Variants in DDX60L observed in about 807,000 individuals in gnomAD.
DDX60L encodes probable ATP-dependent RNA helicase DDX60-like.
DDX60L carries 191 observed loss-of-function variants against 211.6 expected under a neutral mutation model. The ratio of observed to expected loss-of-function variants is 0.90; its 90% CI spans 0.80 to 1.02. DDX60L has a LOEUF of 1.02. Among genes scored for constraint, DDX60L ranks in the 50% least tolerant of loss-of-function variants. The pLI, the probability that DDX60L is intolerant of heterozygous loss-of-function variation, is 0.00. For missense variants in DDX60L, 2,007 were observed against 1,984.1 expected (o/e 1.01, Z -0.22); for synonymous variants, 706 against 694.1 (o/e 1.02, Z -0.27).
At chr4:168,383,728 C>T (rs531312923) in intron 30 of DDX60L, among the ~76,000 whole-genome samples, 3 of 152,292 alleles carry the variant, frequency 2.0e-5, no homozygotes, top group East Asian at 3.9e-4. Context: ...TTAAAGGGCA[C>T]TCACATTCCT....
intron 13 of DDX60L, 89 bp from the exon 14 acceptor site, chr4:168,427,411 G>A (rs1751637715): frequency 1.4e-6 from 2 of 1,397,114 alleles, no homozygotes; most frequent in South Asian, 2.7e-5. Flanking sequence ...TGCACTTACT[G>A]AGGACTCTGG....
At chr4:168,379,309 T>C in intron 32 of DDX60L, 54 bp downstream of exon 32, 3 of 1,419,434 alleles carry the variant, frequency 2.1e-6, no homozygotes, top group Non-Finnish European at 2.8e-6. Flanking sequence ...CGGTTTTGGC[T>C]ATTCAATAAA....
In DDX60L at chr4:168,433,133, T is replaced by C; in HGVS notation, c.1295-18A>G. The stretch of plus-strand genomic sequence containing the variant: ...GGAGATTTCTGAAAACAAATATAAA[T>C]TTAAGATGAGAGGAAAGGTGTAACT... On this transcript the variant is annotated intron_variant, in intron 10 of 37. Transcript: ENST00000682922. The C allele has an allele frequency of 6.5e-7, 1 of 1,531,748 alleles. No individual in the cohort carries two copies. Among genetic ancestry groups the C allele is most frequent in the Non-Finnish European group, 9.0e-7 (1 of 1,115,260 alleles). The allele number at this position is 1,531,748 out of a possible 1,614,324, so 94.9% of individuals were successfully genotyped here. A position where few individuals can be genotyped will look rare whatever the true frequency, so the allele number is the denominator to read the frequency against.
intron 9 of DDX60L, among the ~76,000 whole-genome samples, chr4:168,442,581 G>A (rs1027582655): frequency 2.0e-5 from 3 of 152,122 alleles, no homozygotes; most frequent in Admixed American, 2.0e-4. Context: ...GCAGGGCACA[G>A]ACAAAGAAAA....
At chr4:168,421,143 A>G (rs2149876515) in intron 17 of DDX60L, among the ~76,000 whole-genome samples, 1 of 152,224 alleles carries the variant, frequency 6.6e-6, no homozygotes, top group Non-Finnish European at 1.5e-5. Context: ...TTATAATCAT[A>G]GCATACCACT....
intron 10 of DDX60L, among the ~76,000 whole-genome samples, chr4:168,433,533 A>G (rs1752643280): frequency 6.6e-6 from 1 of 152,158 alleles, no homozygotes; most frequent in Non-Finnish European, 1.5e-5. Flanking sequence ...ATTAATAATA[A>G]AAGTATTTTA....
intron 22 of DDX60L, among the ~76,000 whole-genome samples, chr4:168,410,578 A>C (rs1240791361): frequency 1.3e-5 from 2 of 152,166 alleles, no homozygotes; most frequent in Admixed American, 6.5e-5. Context: ...ATAAAGTAAT[A>C]AAAAAAGGAC....
intron 35 of DDX60L, among the ~76,000 whole-genome samples, chr4:168,373,282 T>TGTGGCCCC (rs764603265): frequency 2.6e-5 from 4 of 152,172 alleles, no homozygotes; most frequent in Non-Finnish European, 4.4e-5. Flanking sequence ...TCTAATGCTT[T>TGTGGCCCC]GTGGCCCCCT....
intron 8 of DDX60L, among the ~76,000 whole-genome samples, chr4:168,451,476 C>T (rs932075133): frequency 6.6e-6 from 1 of 152,194 alleles, no homozygotes; most frequent in Non-Finnish European, 1.5e-5. Context: ...TGCCTCATAT[C>T]CTGTTCCTTA....
intron 25 of DDX60L, among the ~76,000 whole-genome samples, chr4:168,401,896 A>C (rs997462754): frequency 2.6e-5 from 4 of 152,202 alleles, no homozygotes; most frequent in African/African-American, 9.7e-5. Flanking sequence ...AAAAGCAAAA[A>C]TAATAATAGC....
intron 14 of DDX60L, among the ~76,000 whole-genome samples, chr4:168,424,970 ACAAATTTGC>A (rs1751225427): frequency 6.6e-6 from 1 of 152,210 alleles, no homozygotes; most frequent in Admixed American, 6.5e-5. Flanking sequence ...GCATGAATGT[ACAAATTTGC>A]CCTTTTTCTT....
intron 6 of DDX60L, 47 bp downstream of exon 6, chr4:168,457,845 A>T: frequency 8.1e-7 from 1 of 1,237,084 alleles, no homozygotes; most frequent in Non-Finnish European, 1.1e-6. Context: ...ATTCTCATTT[A>T]CCAAATTCTA....
chr4:168,455,428 T>C (rs532414117), intron 7 of DDX60L, among the ~76,000 whole-genome samples: 1 of 152,184 alleles, frequency 6.6e-6, no homozygotes, highest in Non-Finnish European at 1.5e-5. Flanking sequence ...GTGACACTAA[T>C]AAACAATAAC....
At chr4:168,441,861 C>T (rs1753895380) in intron 9 of DDX60L, among the ~76,000 whole-genome samples, 1 of 151,984 alleles carries the variant, frequency 6.6e-6, no homozygotes, top group African/African-American at 2.4e-5. Context: ...TAATCATAGT[C>T]CTTATTAAAT....
chr4:168,413,515 G>A (rs1171249991), intron 22 of DDX60L, among the ~76,000 whole-genome samples: 1 of 151,856 alleles, frequency 6.6e-6, no homozygotes, highest in Non-Finnish European at 1.5e-5. Flanking sequence ...TAGAATGATA[G>A]CAGGATCCTA....
At position 168,379,611 on chromosome 4, in the gene DDX60L, A is replaced by T. The variant is rs945613617; in HGVS notation, c.4222-107T>A. On this transcript the variant is annotated intron_variant, in intron 31 of 37. Transcript: ENST00000682922. ...ATTACCTGACTTCATTTATTAATAA[A>T]TGATAAGTAACATTATCATTGAATG... is the stretch of plus-strand genomic sequence containing the variant. 1.5e-5 allele frequency: 18 copies of T among 1,190,950 alleles called. No homozygotes were observed. The East Asian group carries it at 4.3e-4, about 29-fold the overall frequency. The allele number at this position is 1,190,950 out of a possible 1,614,324, so 73.8% of individuals were successfully genotyped here. A position where few individuals can be genotyped will look rare whatever the true frequency, so the allele number is the denominator to read the frequency against.
chr4:168,466,634 G>A (rs1758026965), intron 4 of DDX60L, among the ~76,000 whole-genome samples: 2 of 152,162 alleles, frequency 1.3e-5, no homozygotes, highest in Admixed American at 1.3e-4. Flanking sequence ...AAGAGTTGGT[G>A]CATGTTTCTG....
At chr4:168,466,992 CT>C (rs1374019043) in intron 4 of DDX60L, among the ~76,000 whole-genome samples, 2 of 152,090 alleles carry the variant, frequency 1.3e-5, no homozygotes, top group African/African-American at 2.4e-5. Context: ...ATACGTGTTG[CT>C]TTTGCAGTGT....
rs767461447 is a variant in DDX60L, at chr4:168,454,758, C to CTTTTTTTTTTTTTTT, written c.837+1266_837+1280dup. The stretch of plus-strand genomic sequence containing the variant: ...GTGCTCCCGAAGAGTAAACAGCTTC[C>CTTTTTTTTTTTTTTT]TTTTTTTTTTTTTTTTTTTTTAGCA... On this transcript the variant is annotated intron_variant, in intron 7 of 37. Transcript: ENST00000682922. Among the ~76,000 whole-genome samples, 151 of 88,622 alleles carry CTTTTTTTTTTTTTTT rather than the reference C, an allele frequency of 1.7e-3. 20 individuals carry two copies. Among genetic ancestry groups the CTTTTTTTTTTTTTTT allele is most frequent in the African/African-American group, 6.4e-3 (132 of 20,676 alleles). 58.1% of individuals were successfully genotyped at this position (88,622 alleles called of 152,430 possible).
Sources: allele counts gnomAD v4.1 joint callset (sites outside exome capture counted in the v4.1 genomes callset), GRCh38; gene constraint gnomAD v4.1.1; transcripts MANE v1.5; gene names NCBI Gene and HGNC (gene_info 2026-07-23, HGNC 2026-07-21).